Variants in RAB40C observed in about 807,000 individuals in gnomAD.
RAB40C encodes ras-related protein Rab-40C.
In RAB40C, 8 loss-of-function variants were observed where a neutral mutation model predicts 28.1. The observed-to-expected ratio is 0.28, with a 90% CI of 0.17 to 0.51. The LOEUF (loss-of-function observed/expected upper bound fraction) is 0.51, where lower values mean the gene tolerates loss of function less well. Among genes scored for constraint, RAB40C ranks in the 20% least tolerant of loss-of-function variants. RAB40C has a pLI of 0.97. For missense variants in RAB40C, 288 were observed against 405.9 expected, an observed-to-expected ratio of 0.71 and a Z score of 2.50; for synonymous variants, 201 against 171.7, an observed-to-expected ratio of 1.17 and a Z score of -1.34.
rs568411885 is a variant in RAB40C at position 599,360 on chromosome 16, C to T, written c.142+8927C>T. ...CAGCCCTAGTGGCTGCCCGCAGAGT[C>T]TTGCGCCCACCTGATTCCTGCCTGA... On this transcript the variant is annotated intron_variant, in intron 1 of 5. Transcript: ENST00000248139. Among the ~76,000 whole-genome samples the T allele has an allele frequency of 5.3e-5, 8 of 152,380 alleles. No homozygotes were observed. In the East Asian group the frequency reaches 1.3e-3, roughly 26 times the overall value.
intron 3 of RAB40C, among the ~76,000 whole-genome samples, chr16:623,043 C>T (rs1437921788): frequency 2.0e-5 from 3 of 152,162 alleles, no homozygotes; most frequent in Admixed American, 6.5e-5. Flanking sequence ...CCTGTGCCAT[C>T]GCCCCTGCCC....
intron 1 of RAB40C, among the ~76,000 whole-genome samples, chr16:606,115 G>A (rs1036891597): frequency 1.2e-4 from 18 of 152,130 alleles, no homozygotes; most frequent in African/African-American, 3.6e-4. Flanking sequence ...TAGTCCTCTC[G>A]GTCCTCAGTC....
At chr16:601,676 T>G (rs953519375) in intron 1 of RAB40C, among the ~76,000 whole-genome samples, 8 of 151,572 alleles carry the variant, frequency 5.3e-5, no homozygotes, top group African/African-American at 1.5e-4. Context: ...TATCAAATAG[T>G]AAAACATCAC....
chr16:617,269 G>T lies in RAB40C; in HGVS notation c.203+1G>T. ...GCCGGCGCGTGAAGCTGGAGCTCTG[G>T]TGAGTTGGGGCTGCGGCACTTCAGT... On this transcript the variant is annotated splice_donor_variant, in intron 2 of 5. Transcript: ENST00000248139. LOFTEE classifies it high-confidence loss of function. The T allele has an allele frequency of 1.2e-6, 2 of 1,614,196 alleles. No individual in the cohort carries two copies. The highest frequency in any genetic ancestry group is 1.7e-6 in the Non-Finnish European group (2 of 1,180,028).
Position 590,266 on chromosome 16 carries a change from C to CGGCGCGG in RAB40C, c.-20_-14dup, listed in dbSNP as rs761375336. 4.1e-6 allele frequency: 6 copies of CGGCGCGG among 1,448,452 alleles called. No homozygotes were observed. In the South Asian group the frequency reaches 8.3e-5, roughly 20 times the overall value. 89.7% of individuals were successfully genotyped at this position (1,448,452 alleles called of 1,614,324 possible). On this transcript the variant is annotated 5_prime_UTR_variant, in exon 1 of 6. Coordinates refer to ENST00000248139, the MANE Select transcript of RAB40C (RefSeq NM_021168.5). ...ACCCGGCGGTGCTTCGGCAGGCGGC[C>CGGCGCGG]GGCGCGGGGCGCAGGCGGCGCGGCC...
chr16:590,829 G>T (rs2035979014), intron 1 of RAB40C, among the ~76,000 whole-genome samples: 1 of 151,630 alleles, frequency 6.6e-6, no homozygotes, highest in Non-Finnish European at 1.5e-5. Flanking sequence ...TGGGGTCCGA[G>T]GGAAGGTGTC....
intron 1 of RAB40C, among the ~76,000 whole-genome samples, chr16:612,866 A>AC (rs1267472789): frequency 2.3e-5 from 1 of 44,120 alleles, no homozygotes; most frequent in Non-Finnish European, 4.1e-5. Context: ...AATCAAGAGC[A>AC]GGGACAGCCG....
rs915112380 is a variant in RAB40C, at chr16:614,710, A to G, written c.143-2498A>G. ...GAACTGCCTAACTCTACCTCGTCCC[A>G]ATGGTGAACTGCCTAACTCTACCAC... On this transcript the variant is annotated intron_variant, in intron 1 of 5. Transcript: ENST00000248139. Among the ~76,000 whole-genome samples the G allele has an allele frequency of 5.4e-4, 65 of 120,262 alleles. 1 individual carries two copies. Among genetic ancestry groups the G allele is most frequent in the African/African-American group, 1.2e-3 (38 of 31,234 alleles). 78.9% of individuals were successfully genotyped at this position (120,262 alleles called of 152,430 possible). A position where few individuals can be genotyped will look rare whatever the true frequency, so the allele number is the denominator to read the frequency against.
chr16:600,303 G>A (rs1567185419), intron 1 of RAB40C, among the ~76,000 whole-genome samples: 1 of 152,256 alleles, frequency 6.6e-6, no homozygotes, highest in Non-Finnish European at 1.5e-5. Flanking sequence ...GGGATAGCTA[G>A]TATGTCAGCT....
chr16:592,732 C>A (rs959688826), intron 1 of RAB40C, among the ~76,000 whole-genome samples: 1 of 152,264 alleles, frequency 6.6e-6, no homozygotes, highest in Non-Finnish European at 1.5e-5. Flanking sequence ...TGGGTTTCAT[C>A]AATCGGTGTT....
intron 1 of RAB40C, among the ~76,000 whole-genome samples, chr16:596,991 T>A (rs1318672910): frequency 6.6e-6 from 1 of 152,128 alleles, no homozygotes; most frequent in East Asian, 1.9e-4. Flanking sequence ...CTTCAGAAAT[T>A]AGCGGAGGGA....
At chr16:601,368 C>G (rs571666589) in intron 1 of RAB40C, among the ~76,000 whole-genome samples, 1 of 152,128 alleles carries the variant, frequency 6.6e-6, no homozygotes, top group African/African-American at 2.4e-5. Flanking sequence ...GTGGGCTGGG[C>G]AGAAGGCTGT....
intron 3 of RAB40C, chr16:624,053 T>C: frequency 1.0e-6 from 1 of 985,490 alleles, no homozygotes; most frequent in Non-Finnish European, 1.2e-6. Context: ...GTCTTCAGCA[T>C]CTGCACGGTA....
At chr16:613,705 G>T (rs775310196) in intron 1 of RAB40C, among the ~76,000 whole-genome samples, 7 of 152,100 alleles carry the variant, frequency 4.6e-5, no homozygotes, top group Admixed American at 1.3e-4. Context: ...TTCCCCAGAG[G>T]ATAGTTTGTC....
rs1186139173 is a variant in RAB40C, at chr16:627,924, T to A, written c.*302T>A. On this transcript the variant is annotated 3_prime_UTR_variant, in exon 6 of 6. Transcript: ENST00000248139. ...GAGCCTGGTTGGCCTTTCTTATTTA[T>A]ATAGAGAACACTTCACTTTTTTGTA... 2.6e-6 allele frequency: 1 copy of A among 388,162 alleles called. No homozygotes were observed. The highest frequency in any genetic ancestry group is 7.9e-5 in the South Asian group (1 of 12,666). 24.0% of individuals were successfully genotyped at this position (388,162 alleles called of 1,614,324 possible). A position where few individuals can be genotyped will look rare whatever the true frequency, so the allele number is the denominator to read the frequency against.
chr16:608,824 G>C lies in RAB40C; in HGVS notation c.143-8384G>C, dbSNP rs561945231. Among the ~76,000 whole-genome samples, 5 of 152,294 alleles carry C rather than the reference G, an allele frequency of 3.3e-5. No individual in the cohort carries two copies. In the East Asian group the frequency reaches 9.6e-4, roughly 29 times the overall value. ...GAAGGTGGAGGTTGCCATGAGCCAAGATTGTGCTACAATTGTGTGGCGGCT... is the reference window on the plus strand; with the variant it reads ...GAAGGTGGAGGTTGCCATGAGCCAACATTGTGCTACAATTGTGTGGCGGCT... On this transcript the variant is annotated intron_variant, in intron 1 of 5. Transcript: ENST00000248139.
chr16:609,682 C>T (rs1240864968), intron 1 of RAB40C, among the ~76,000 whole-genome samples: 3 of 152,058 alleles, frequency 2.0e-5, no homozygotes, highest in Admixed American at 6.6e-5. Flanking sequence ...CTCAGAGCAC[C>T]GGAAGGAGCT....
In RAB40C at chr16:628,519, G is replaced by C. The variant is rs2036890120; in HGVS notation, c.*897G>C. The C allele has an allele frequency of 6.6e-6, 1 of 152,278 alleles. No individual in the cohort carries two copies. The highest frequency in any genetic ancestry group is 1.5e-5 in the Non-Finnish European group (1 of 68,076). The allele number at this position is 152,278 out of a possible 1,614,324, so 9.4% of individuals were successfully genotyped here. On this transcript the variant is annotated 3_prime_UTR_variant, in exon 6 of 6. Transcript: ENST00000248139. ...GGGTCCCCACAGCTGCAGCTCTCCT[G>C]TGAGGTTGCACGGCATCAGAACCAT...
intron 1 of RAB40C, among the ~76,000 whole-genome samples, chr16:594,485 C>T (rs2036069410): frequency 1.3e-5 from 2 of 152,208 alleles, no homozygotes; most frequent in South Asian, 4.1e-4. Context: ...GTGGGTGTCC[C>T]AGCTTCTTCG....
Sources: allele counts gnomAD v4.1 joint callset (sites outside exome capture counted in the v4.1 genomes callset), GRCh38; gene constraint gnomAD v4.1.1; transcripts MANE v1.5; gene names NCBI Gene and HGNC (gene_info 2026-07-23, HGNC 2026-07-21).